Variants in NTNG1 observed in about 807,000 individuals in gnomAD.
NTNG1 encodes netrin-G1.
A neutral mutation model predicts 54.0 loss-of-function variants in NTNG1; 16 were observed. The ratio of observed to expected loss-of-function variants is 0.30; its 90% CI spans 0.20 to 0.45. The LOEUF is 0.45. Among genes scored for constraint, NTNG1 ranks in the 20% least tolerant of loss-of-function variants. The probability of loss-of-function intolerance (pLI) is 1.00; values close to 1 mark genes in which losing one functional copy is unlikely to be tolerated. For synonymous variants in NTNG1, 255 were observed against 263.1 expected (o/e 0.97, Z 0.30); for missense variants, 530 against 678.7 (o/e 0.78, Z 2.43).
chr1:107,267,070 A>G (rs1236149006), intron 2 of NTNG1, among the ~76,000 whole-genome samples: 1 of 152,220 alleles, frequency 6.6e-6, no homozygotes, highest in Admixed American at 6.5e-5. Flanking sequence ...TGTCAAGAAT[A>G]TAATTCAGAA....
At chr1:107,426,539 G>A (rs1276811237) in intron 5 of NTNG1, among the ~76,000 whole-genome samples, 2 of 151,946 alleles carry the variant, frequency 1.3e-5, no homozygotes, top group Non-Finnish European at 2.9e-5. Flanking sequence ...GTCTATTTTT[G>A]TACCAGTACC....
intron 5 of NTNG1, among the ~76,000 whole-genome samples, chr1:107,426,697 T>C (rs1674931225): frequency 6.6e-6 from 1 of 151,992 alleles, no homozygotes; most frequent in South Asian, 2.1e-4. Context: ...ACTTCAGGAT[T>C]GGTTTTTCTG....
At chr1:107,262,318 CTT>C (rs1663407174) in intron 2 of NTNG1, among the ~76,000 whole-genome samples, 1 of 152,046 alleles carries the variant, frequency 6.6e-6, no homozygotes, top group South Asian at 2.1e-4. Context: ...AGAATGGAGT[CTT>C]TTGTGGGTAA....
chr1:107,198,771 A>T (rs147773805), intron 2 of NTNG1, among the ~76,000 whole-genome samples: 1,682 of 151,884 alleles, frequency 0.011, 34 homozygotes, highest in African/African-American at 0.039. Flanking sequence ...GTGTGGTTTC[A>T]TAGGGCGTTT....
intron 2 of NTNG1, among the ~76,000 whole-genome samples, chr1:107,291,631 A>C (rs1665610235): frequency 6.6e-6 from 1 of 152,176 alleles, no homozygotes; most frequent in South Asian, 2.1e-4. Flanking sequence ...ATATAGTAGA[A>C]ATGTAGAAAT....
At chr1:107,394,579 G>A (rs1022843390) in intron 3 of NTNG1, among the ~76,000 whole-genome samples, 3 of 152,126 alleles carry the variant, frequency 2.0e-5, no homozygotes, top group Non-Finnish European at 4.4e-5. Flanking sequence ...AGCAGCCTTG[G>A]TGGAAAATCT....
At chr1:107,377,846 A>G (rs1671396536) in intron 3 of NTNG1, among the ~76,000 whole-genome samples, 1 of 152,206 alleles carries the variant, frequency 6.6e-6, no homozygotes, top group Non-Finnish European at 1.5e-5. Context: ...TACCATCTCA[A>G]GCTGAAGTCC....
intron 2 of NTNG1, among the ~76,000 whole-genome samples, chr1:107,216,736 G>C (rs1227223390): frequency 6.6e-6 from 1 of 150,760 alleles, no homozygotes; most frequent in Non-Finnish European, 1.5e-5. Context: ...GGAATGTAGT[G>C]GCATGATCTC....
intron 2 of NTNG1, among the ~76,000 whole-genome samples, chr1:107,184,133 G>T (rs1657270326): frequency 6.6e-6 from 1 of 152,080 alleles, no homozygotes; most frequent in Admixed American, 6.6e-5. Flanking sequence ...TCATGACTTT[G>T]AAGTCTAGGA....
chr1:107,175,878 T>C lies in NTNG1; in HGVS notation c.246+27039T>C, dbSNP rs80052753. ...GCCAGTTTGGTAAAGATTCATAACT[T>C]TGTCAGTTGATTATGTCTCTGCATA... On this transcript the variant is annotated intron_variant, in intron 2 of 7. Transcript: ENST00000370068. Among the ~76,000 whole-genome samples the C allele has an allele frequency of 3.7e-3, 571 of 152,292 alleles. 3 individuals are homozygous for C. Among genetic ancestry groups the C allele is most frequent in the African/African-American group, 0.013 (520 of 41,570 alleles).
At chr1:107,325,944 C>A (rs964872722) in intron 3 of NTNG1, among the ~76,000 whole-genome samples, 1 of 152,016 alleles carries the variant, frequency 6.6e-6, no homozygotes, top group African/African-American at 2.4e-5. Flanking sequence ...ACAGATAAGG[C>A]AGGATTGATT....
At chr1:107,413,031 G>A (rs1221745749) in intron 5 of NTNG1, among the ~76,000 whole-genome samples, 4 of 152,154 alleles carry the variant, frequency 2.6e-5, no homozygotes, top group Non-Finnish European at 4.4e-5. Flanking sequence ...TCTGATAGTA[G>A]GTAGTTGCTG....
chr1:107,433,308 C>A (rs1282808434), intron 6 of NTNG1, among the ~76,000 whole-genome samples: 2 of 152,126 alleles, frequency 1.3e-5, no homozygotes, highest in African/African-American at 4.8e-5. Flanking sequence ...CTTTAGAAGG[C>A]CCGGGCAGGT....
intron 2 of NTNG1, among the ~76,000 whole-genome samples, chr1:107,266,992 T>C (rs1317944035): frequency 1.3e-5 from 2 of 152,230 alleles, no homozygotes; most frequent in Admixed American, 1.3e-4. Flanking sequence ...GTTAAAGGTG[T>C]ATGATTGCAT....
chr1:107,316,608 CT>C (rs1667353256), intron 2 of NTNG1, among the ~76,000 whole-genome samples: 1 of 151,888 alleles, frequency 6.6e-6, no homozygotes, highest in Non-Finnish European at 1.5e-5. Context: ...CATAAAATAT[CT>C]GTTTTTTATA....
Position 107,295,686 on chromosome 1 carries a change from A to G in NTNG1, c.247-28596A>G, listed in dbSNP as rs138068966. 2.6e-3 allele frequency among the ~76,000 whole-genome samples: 402 copies of G among 152,260 alleles called. 2 individuals are homozygous for G. The highest frequency in any genetic ancestry group is 9.1e-3 in the African/African-American group (378 of 41,558). On this transcript the variant is annotated intron_variant, in intron 2 of 7. Transcript: ENST00000370068. ...GAACCAGGGATATAGTAGGCATTTA[A>G]TAAATTGTAGCTATTGTTATGAATG... is the stretch of plus-strand genomic sequence containing the variant.
At chr1:107,325,132 A>G (rs1667878303) in intron 3 of NTNG1, among the ~76,000 whole-genome samples, 1 of 152,134 alleles carries the variant, frequency 6.6e-6, no homozygotes, top group Non-Finnish European at 1.5e-5. Flanking sequence ...TGAACCTGGC[A>G]TGATTCTTCA....
At chr1:107,321,555 G>C (rs530335913) in intron 2 of NTNG1, among the ~76,000 whole-genome samples, 1 of 152,154 alleles carries the variant, frequency 6.6e-6, no homozygotes, top group South Asian at 2.1e-4. Context: ...ATACAAAGCA[G>C]AGAATCTTTA....
At chr1:107,201,204 T>C (rs56353133) in intron 2 of NTNG1, among the ~76,000 whole-genome samples, 6,782 of 151,898 alleles carry the variant, frequency 0.045, 487 homozygotes, top group African/African-American at 0.15. Context: ...TAAACTTTAC[T>C]TCTTGGGCAA....
Sources: allele counts gnomAD v4.1 joint callset (sites outside exome capture counted in the v4.1 genomes callset), GRCh38; gene constraint gnomAD v4.1.1; transcripts MANE v1.5; gene names NCBI Gene and HGNC (gene_info 2026-07-23, HGNC 2026-07-21).